Variants in TMEM71 observed in about 807,000 individuals in gnomAD.
TMEM71 encodes the protein transmembrane protein 71.
A neutral mutation model predicts 38.0 loss-of-function variants in TMEM71; 44 were observed. That is an observed-to-expected ratio of 1.16 (90% CI 0.91 to 1.49). The LOEUF (loss-of-function observed/expected upper bound fraction) is 1.49. Ranked by LOEUF, TMEM71 falls within the 40% of genes most tolerant of loss-of-function variation. TMEM71 has a pLI of 0.00. For missense variants in TMEM71, 367 were observed against 348.6 expected, an observed-to-expected ratio of 1.05 and a Z score of -0.42; for synonymous variants, 133 against 122.5, an observed-to-expected ratio of 1.09 and a Z score of -0.56.
intron 5 of TMEM71, among the ~76,000 whole-genome samples, chr8:132,734,627 A>G (rs1412633893): frequency 1.3e-5 from 2 of 152,252 alleles, no homozygotes; most frequent in Non-Finnish European, 2.9e-5. Flanking sequence ...TTCAACAGAG[A>G]AACCACAAAA....
intron 5 of TMEM71, among the ~76,000 whole-genome samples, chr8:132,745,824 T>C (rs1828308523): frequency 6.6e-6 from 1 of 151,794 alleles, no homozygotes; most frequent in South Asian, 2.1e-4. Context: ...CACCATGGAA[T>C]ACTACACAGC....
chr8:132,713,140 C>T (rs535420776), intron 9 of TMEM71, among the ~76,000 whole-genome samples: 1 of 140,298 alleles, frequency 7.1e-6, no homozygotes, highest in South Asian at 2.1e-4. Flanking sequence ...CCACCACACC[C>T]AGCCTTGTCA....
the TMEM71 span, among the ~76,000 whole-genome samples, chr8:132,768,570 T>C: frequency 1.3e-5 from 2 of 149,808 alleles, no homozygotes; most frequent in Non-Finnish European, 3.0e-5. Context: ...AACATAGTTA[T>C]AAAAAAAAAA....
chr8:132,710,721 CT>C lies in TMEM71; in HGVS notation c.*245del. ...TCTCTTTTCCATCACATTCCCCGTC[CT>C]TTTCCTTTCAACTGCCGGTGTTTGC... On this transcript the variant is annotated 3_prime_UTR_variant, in exon 10 of 10. Coordinates refer to ENST00000677595, the MANE Select transcript of TMEM71 (RefSeq NM_001382403.1). The C allele has an allele frequency of 1.8e-6, 1 of 563,972 alleles. No homozygotes were observed. The highest frequency in any genetic ancestry group is 3.1e-5 in the East Asian group (1 of 32,046). 34.9% of individuals were successfully genotyped at this position (563,972 alleles called of 1,614,324 possible). A position where few individuals can be genotyped will look rare whatever the true frequency, so the allele number is the denominator to read the frequency against.
chr8:132,768,779 C>T, the TMEM71 span, among the ~76,000 whole-genome samples: 7 of 152,246 alleles, frequency 4.6e-5, no homozygotes, highest in Non-Finnish European at 7.3e-5. Context: ...CTTCCCTGCT[C>T]CCTCTCCCTC....
chr8:132,753,314 G>A (rs1294237125), intron 3 of TMEM71, among the ~76,000 whole-genome samples: 1 of 150,816 alleles, frequency 6.6e-6, no homozygotes. Flanking sequence ...TTCTTGGGGT[G>A]GTTTTTTGTG....
At chr8:132,708,002 T>C (rs1463258731), downstream of TMEM71, among the ~76,000 whole-genome samples, 1 of 152,182 alleles carries the variant, frequency 6.6e-6, no homozygotes, top group Non-Finnish European at 1.5e-5. Context: ...AATGTATTAA[T>C]AAATGAAACT....
chr8:132,752,288 T>C (rs1161646233), intron 3 of TMEM71, among the ~76,000 whole-genome samples: 4 of 152,250 alleles, frequency 2.6e-5, no homozygotes, highest in Admixed American at 2.0e-4. Flanking sequence ...GTTAGTCTAT[T>C]GTATTTTTTT....
At chr8:132,745,080 G>A (rs2472226) in intron 5 of TMEM71, among the ~76,000 whole-genome samples, 47,093 of 152,000 alleles carry the variant, frequency 0.31, 7,504 homozygotes, top group Non-Finnish European at 0.33. Context: ...ATCCTAGAAG[G>A]AAACCTAGGC....
the TMEM71 span, chr8:132,775,406 AGGCGGCGGCGGCGGCGGCGAT>A: frequency 2.6e-6 from 1 of 382,652 alleles, no homozygotes; most frequent in Non-Finnish European, 4.6e-6. Context: ...CCGGCGGCGG[AGGCGGCGGCGGCGGCGGCGAT>A]GGCAGCGGAC....
the TMEM71 span, among the ~76,000 whole-genome samples, chr8:132,769,503 G>T: frequency 6.6e-6 from 1 of 152,186 alleles, no homozygotes; most frequent in Non-Finnish European, 1.5e-5. Flanking sequence ...GACTGTGTGT[G>T]TCTCCCTGTC....
intron 5 of TMEM71, among the ~76,000 whole-genome samples, chr8:132,746,484 T>C (rs1440331593): frequency 6.5e-5 from 1 of 15,448 alleles, no homozygotes; most frequent in African/African-American, 2.4e-4. Flanking sequence ...TACATATATA[T>C]ATACATATAT....
chr8:132,764,930 T>A (rs1210743184), upstream of TMEM71, among the ~76,000 whole-genome samples: 1 of 152,188 alleles, frequency 6.6e-6, no homozygotes, highest in African/African-American at 2.4e-5. Context: ...TTTTTTATCA[T>A]CCAAGTCTGG....
intron 5 of TMEM71, among the ~76,000 whole-genome samples, chr8:132,742,830 G>T (rs1258553502): frequency 6.6e-6 from 1 of 152,174 alleles, no homozygotes; most frequent in Non-Finnish European, 1.5e-5. Flanking sequence ...ACCCAAGACT[G>T]GGCAATTTAC....
intron 3 of TMEM71, 144 bp from the exon 4 acceptor site, chr8:132,752,141 T>A: frequency 7.2e-6 from 5 of 696,376 alleles, no homozygotes; most frequent in Non-Finnish European, 1.2e-5. Context: ...AATGTCACTC[T>A]TAATGTTCTG....
At chr8:132,742,817 C>T (rs572454662) in intron 5 of TMEM71, among the ~76,000 whole-genome samples, 8 of 152,310 alleles carry the variant, frequency 5.3e-5, no homozygotes, top group African/African-American at 1.9e-4. Context: ...CTGATAAAGA[C>T]ATACCCAAGA....
At chr8:132,771,405 A>G in the TMEM71 span, among the ~76,000 whole-genome samples, 2 of 152,114 alleles carry the variant, frequency 1.3e-5, no homozygotes, top group Non-Finnish European at 2.9e-5. Context: ...ATAGACATAC[A>G]TATTTTTTCT....
At chr8:132,729,672 C>T (rs939744668) in intron 5 of TMEM71, among the ~76,000 whole-genome samples, 11 of 152,036 alleles carry the variant, frequency 7.2e-5, no homozygotes, top group Admixed American at 6.6e-4. Flanking sequence ...ACAAAGCTGC[C>T]AAAAGGGGTG....
At position 132,710,898 on chromosome 8, in the gene TMEM71, G is replaced by T; in HGVS notation, c.*69C>A. 6.9e-7 allele frequency: 1 copy of T among 1,439,800 alleles called. No individual in the cohort carries two copies. The highest frequency in any genetic ancestry group is 9.8e-7 in the Non-Finnish European group (1 of 1,024,286). 89.2% of individuals were successfully genotyped at this position (1,439,800 alleles called of 1,614,324 possible). On this transcript the variant is annotated 3_prime_UTR_variant, in exon 10 of 10. Coordinates refer to ENST00000677595, the MANE Select transcript of TMEM71 (RefSeq NM_001382403.1). Reference sequence around the variant, plus strand: ...CCAATAAAACACTTGATTCCAAGTAGACTGCAAGTTGGACAATTTCCAGAT... The same window carrying T: ...CCAATAAAACACTTGATTCCAAGTATACTGCAAGTTGGACAATTTCCAGAT...
Sources: gnomAD v4.1 joint callset for allele counts (sites outside exome capture counted in the v4.1 genomes callset) on GRCh38, gnomAD v4.1.1 for gene constraint, MANE v1.5 for transcripts, NCBI Gene and HGNC (gene_info 2026-07-23, HGNC 2026-07-21) for gene names.